Variants in LAMA2 observed in about 807,000 individuals in gnomAD.
LAMA2 encodes the protein laminin subunit alpha-2.
LAMA2 carries 269 observed loss-of-function variants against 364.8 expected under a neutral mutation model. That is an observed-to-expected ratio of 0.74 (90% CI 0.67 to 0.82). The LOEUF is 0.82. LAMA2 is among the 40% of genes least tolerant of loss of function. The pLI is 0.00. For missense variants in LAMA2, 3,807 were observed against 3,873.2 expected (o/e 0.98, Z 0.45); for synonymous variants, 1,379 against 1,370.6 (o/e 1.01, Z -0.14).
chr6:129,426,462 ACT>A (rs1477890391), intron 40 of LAMA2, among the ~76,000 whole-genome samples: 7 of 148,820 alleles, frequency 4.7e-5, no homozygotes, highest in South Asian at 2.1e-4. Context: ...TAATTTTGAC[ACT>A]CTTTTTTTTT....
intron 24 of LAMA2, 92 bp downstream of exon 24, chr6:129,314,890 A>G: frequency 7.5e-7 from 1 of 1,332,462 alleles, no homozygotes; most frequent in South Asian, 1.2e-5. Context: ...AGAAAATGGC[A>G]AAACATTTAA....
rs2114765475 is a variant in LAMA2 at position 129,440,861 on chromosome 6, C to G, written c.6131C>G (p.Ala2044Gly). The change falls in exon 43 of 65, where the codon GCC becomes GGC. Residue 2044 changes from alanine (A) to glycine (G), a missense_variant. By Grantham distance (60) the Ala-to-Gly change is moderately conservative. Coordinates refer to ENST00000421865, the MANE Select transcript of LAMA2 (RefSeq NM_000426.4). ...GCTGTTAAGGACAAAGCCAGACAAG[C>G]CAACGACACAGCTAAAGATGTACTG... is the stretch of plus-strand genomic sequence containing the variant. ...LQAVKDKARQ[A>G]NDTAKDVLAQ... The G allele has an allele frequency of 6.2e-7, 1 of 1,613,938 alleles. No individual in the cohort carries two copies.
Position 129,151,937 on chromosome 6 carries a change from C to G in LAMA2, c.1028-2568C>G, listed in dbSNP as rs1191409090. Among the ~76,000 whole-genome samples, 6 of 152,104 alleles carry G rather than the reference C, an allele frequency of 3.9e-5. 1 individual carries two copies. In the South Asian group the frequency reaches 6.2e-4, roughly 16 times the overall value. On this transcript the variant is annotated intron_variant, in intron 7 of 64. Transcript: ENST00000421865. Reference sequence around the variant, plus strand: ...AAAGATATAAAACTGCTTACAATGCCTAGTGATTTGTATTGATTACTATGT... The same window carrying G: ...AAAGATATAAAACTGCTTACAATGCGTAGTGATTTGTATTGATTACTATGT...
At chr6:129,174,947 A>G (rs1780478325) in intron 9 of LAMA2, among the ~76,000 whole-genome samples, 1 of 152,226 alleles carries the variant, frequency 6.6e-6, no homozygotes, top group Non-Finnish European at 1.5e-5. Context: ...TTCCAGAAAT[A>G]AAAGTTAAGA....
At chr6:129,322,301 G>C (rs1287902400) in intron 28 of LAMA2, among the ~76,000 whole-genome samples, 1 of 152,152 alleles carries the variant, frequency 6.6e-6, no homozygotes, top group Non-Finnish European at 1.5e-5. Context: ...TGCTTATACA[G>C]TAAGCACTGC....
At chr6:129,245,890 T>C (rs1023549680) in intron 12 of LAMA2, among the ~76,000 whole-genome samples, 12 of 152,240 alleles carry the variant, frequency 7.9e-5, no homozygotes, top group African/African-American at 2.9e-4. Flanking sequence ...TGGATAAATA[T>C]AAAAAGAGGC....
chr6:129,434,878 C>G (rs970765286), intron 41 of LAMA2, among the ~76,000 whole-genome samples: 3 of 151,904 alleles, frequency 2.0e-5, no homozygotes, highest in African/African-American at 7.3e-5. Flanking sequence ...ATTCCAGAAA[C>G]TACTTTAGAA....
rs1444913528 is a variant in LAMA2, at chr6:129,067,206, T to A, written c.396+7310T>A. 2.6e-5 allele frequency among the ~76,000 whole-genome samples: 4 copies of A among 152,158 alleles called. No homozygotes were observed. In the East Asian group the frequency reaches 7.7e-4, roughly 29 times the overall value. ...GAATACCAAACTAACACAGAAGAGA[T>A]TATAATATACATGTTCCAAATGTAG... is the stretch of plus-strand genomic sequence containing the variant. On this transcript the variant is annotated intron_variant, in intron 3 of 64. Transcript: ENST00000421865.
intron 12 of LAMA2, among the ~76,000 whole-genome samples, chr6:129,217,361 A>G (rs147174330): frequency 6.6e-6 from 1 of 152,272 alleles, no homozygotes; most frequent in East Asian, 1.9e-4. Flanking sequence ...AATTATGTAA[A>G]TGCACATGAA....
chr6:129,502,623 A>G (rs1471806818), intron 58 of LAMA2, 36 bp from the exon 59 acceptor site: 2 of 1,295,684 alleles, frequency 1.5e-6, no homozygotes, highest in Non-Finnish European at 2.2e-6. Flanking sequence ...AGAACAGTCC[A>G]TAATCTCCTG....
At chr6:128,926,702 C>T (rs979403005) in intron 1 of LAMA2, among the ~76,000 whole-genome samples, 3 of 152,182 alleles carry the variant, frequency 2.0e-5, no homozygotes, top group African/African-American at 7.2e-5. Flanking sequence ...GGTAATCCTC[C>T]TTCTGAGATA....
chr6:129,255,396 A>G (rs1470630906), intron 14 of LAMA2, among the ~76,000 whole-genome samples: 1 of 111,148 alleles, frequency 9.0e-6, no homozygotes, highest in Admixed American at 1.3e-4. Flanking sequence ...ACAGAGGGAG[A>G]CTCTGTCTCA....
At chr6:128,961,318 G>GATATATATATATATATAT (rs58772123) in intron 1 of LAMA2, among the ~76,000 whole-genome samples, 1 of 57,784 alleles carries the variant, frequency 1.7e-5, no homozygotes, top group Non-Finnish European at 3.7e-5. Context: ...GAACTAATAT[G>GATATATATATATATATAT]ATATATATAT....
chr6:129,198,810 G>T (rs1013023664), intron 12 of LAMA2, among the ~76,000 whole-genome samples: 3 of 151,732 alleles, frequency 2.0e-5, no homozygotes, highest in Non-Finnish European at 4.4e-5. Context: ...TAAAAAAACT[G>T]ACTCAAAGAA....
chr6:129,037,815 G>A (rs1019471543), intron 1 of LAMA2, among the ~76,000 whole-genome samples: 30 of 151,994 alleles, frequency 2.0e-4, no homozygotes, highest in African/African-American at 3.4e-4. Context: ...AACTACAGGT[G>A]CTTGCCACCA....
intron 12 of LAMA2, among the ~76,000 whole-genome samples, chr6:129,196,409 G>A (rs1015577314): frequency 1.3e-5 from 2 of 152,136 alleles, no homozygotes; most frequent in Non-Finnish European, 2.9e-5. Flanking sequence ...CCTTGTAATT[G>A]ATGCTACATG....
chr6:128,994,509 C>A (rs934880877), intron 1 of LAMA2, among the ~76,000 whole-genome samples: 2 of 152,076 alleles, frequency 1.3e-5, no homozygotes, highest in African/African-American at 4.8e-5. Flanking sequence ...TTGTATTATC[C>A]TCATTAGATT....
intron 1 of LAMA2, among the ~76,000 whole-genome samples, chr6:128,976,190 T>C (rs143788511): frequency 2.7e-3 from 404 of 152,240 alleles, no homozygotes; most frequent in Admixed American, 4.8e-3. Context: ...GCATTAGATA[T>C]AGAGAGTGGG....
chr6:129,296,320 TA>T (rs1773177111), intron 20 of LAMA2, among the ~76,000 whole-genome samples: 4 of 151,996 alleles, frequency 2.6e-5, no homozygotes, highest in Admixed American at 6.5e-5. Context: ...ATAATGATAT[TA>T]TATGGTTAGT....
Sources: gnomAD v4.1 joint callset for allele counts (sites outside exome capture counted in the v4.1 genomes callset) on GRCh38, gnomAD v4.1.1 for gene constraint, MANE v1.5 for transcripts, NCBI Gene and HGNC (gene_info 2026-07-23, HGNC 2026-07-21) for gene names.